The following PRKG1 variants were observed in gnomAD, a reference collection of about 807,000 sequenced individuals.
The protein encoded by PRKG1 is protein kinase cGMP-dependent 1.
PRKG1 carries 35 observed loss-of-function variants against 88.1 expected under a neutral mutation model. The observed-to-expected ratio is 0.40, with a 90% CI of 0.30 to 0.53. The LOEUF is 0.53. Among genes scored for constraint, PRKG1 ranks in the 20% least tolerant of loss-of-function variants. PRKG1 has a pLI of 0.59. For synonymous variants in PRKG1, 303 were observed against 292.5 expected (o/e 1.04, Z -0.37); for missense variants, 540 against 839.8 (o/e 0.64, Z 4.41).
At chr10:52,134,053 C>T (rs747717635) in intron 8 of PRKG1, 148 bp downstream of exon 8, 2 of 691,960 alleles carry the variant, frequency 2.9e-6, no homozygotes, top group Non-Finnish European at 4.6e-6. Flanking sequence ...TTCTCATTCC[C>T]TATTCTTAAA....
chr10:51,101,962 A>G (rs1260228418), intron 1 of PRKG1, among the ~76,000 whole-genome samples: 1 of 152,236 alleles, frequency 6.6e-6, no homozygotes, highest in Non-Finnish European at 1.5e-5. Context: ...GCATCTGCCC[A>G]GTGGCGTGCT....
chr10:51,944,158 C>A (rs887252582), intron 5 of PRKG1, among the ~76,000 whole-genome samples: 6 of 152,008 alleles, frequency 3.9e-5, no homozygotes, highest in African/African-American at 1.5e-4. Context: ...TTCAGAGAGT[C>A]AACTTCTTCC....
chr10:52,149,999 T>G (rs1368071423), intron 8 of PRKG1, among the ~76,000 whole-genome samples: 1 of 151,588 alleles, frequency 6.6e-6, no homozygotes, highest in Non-Finnish European at 1.5e-5. Flanking sequence ...AATACAAAAC[T>G]TAGCTGGGCA....
intron 2 of PRKG1, among the ~76,000 whole-genome samples, chr10:51,383,208 A>G (rs1053505016): frequency 6.6e-6 from 1 of 152,198 alleles, no homozygotes; most frequent in East Asian, 1.9e-4. Context: ...TAGACAATAG[A>G]CAACCAAATA....
At chr10:51,072,502 T>C (rs577633987), upstream of PRKG1, among the ~76,000 whole-genome samples, 7 of 152,268 alleles carry the variant, frequency 4.6e-5, no homozygotes, top group Admixed American at 1.3e-4. Context: ...ACAGTACTTC[T>C]GCTTGGTTTA....
intron 3 of PRKG1, among the ~76,000 whole-genome samples, chr10:51,732,354 G>A (rs955171927): frequency 2.6e-5 from 4 of 152,238 alleles, no homozygotes; most frequent in Non-Finnish European, 5.9e-5. Context: ...GTATGGGGGC[G>A]AACACAATTT....
At chr10:51,697,900 C>T (rs1841341584) in intron 3 of PRKG1, 2 of 1,608,384 alleles carry the variant, frequency 1.2e-6, no homozygotes, top group Non-Finnish European at 8.5e-7. Flanking sequence ...GCTTGCTTGC[C>T]CCCTGTATAC....
rs181820099 is a variant in PRKG1 at position 51,625,719 on chromosome 10, G to C, written c.592+157883G>C. Among the ~76,000 whole-genome samples the C allele has an allele frequency of 2.1e-3, 312 of 145,136 alleles. 2 individuals are homozygous for C. Among genetic ancestry groups the C allele is most frequent in the African/African-American group, 7.2e-3 (277 of 38,444 alleles). On this transcript the variant is annotated intron_variant, in intron 3 of 17. Transcript: ENST00000373980. ...AATTATGCTTCAATAAAACTGTTAAGATTTAAAAAAAAAAAAAGAATATAT... is the reference window on the plus strand; with the variant it reads ...AATTATGCTTCAATAAAACTGTTAACATTTAAAAAAAAAAAAAGAATATAT...
intron 11 of PRKG1, among the ~76,000 whole-genome samples, chr10:52,271,863 A>G (rs902459510): frequency 6.6e-6 from 1 of 152,116 alleles, no homozygotes; most frequent in East Asian, 1.9e-4. Context: ...TAAAAAAATG[A>G]AATGACAGCT....
intron 3 of PRKG1, among the ~76,000 whole-genome samples, chr10:51,507,589 C>G (rs1319428075): frequency 6.6e-6 from 1 of 152,056 alleles, no homozygotes; most frequent in Admixed American, 6.6e-5. Context: ...AAGTACCACT[C>G]CCTAGGACAC....
intron 8 of PRKG1, among the ~76,000 whole-genome samples, chr10:52,152,243 A>C (rs1463246993): frequency 6.6e-6 from 1 of 152,186 alleles, no homozygotes; most frequent in Non-Finnish European, 1.5e-5. Flanking sequence ...CCAGCTATTT[A>C]TTAATTCATT....
At chr10:51,532,163 T>G (rs1239687347) in intron 3 of PRKG1, among the ~76,000 whole-genome samples, 2 of 152,172 alleles carry the variant, frequency 1.3e-5, no homozygotes, top group Non-Finnish European at 2.9e-5. Flanking sequence ...GGAGAGCTTT[T>G]TCAACTGGTT....
chr10:52,024,626 A>G (rs1274357288), intron 5 of PRKG1, among the ~76,000 whole-genome samples: 1 of 152,130 alleles, frequency 6.6e-6, no homozygotes, highest in Non-Finnish European at 1.5e-5. Context: ...GATGGTTTCC[A>G]GCTTCATCCA....
At chr10:51,060,668 C>T (rs1843682063) in intron 1 of PRKG1, among the ~76,000 whole-genome samples, 1 of 151,842 alleles carries the variant, frequency 6.6e-6, no homozygotes, top group Non-Finnish European at 1.5e-5. Flanking sequence ...TATACATTTA[C>T]CCTCATATTT....
intron 2 of PRKG1, among the ~76,000 whole-genome samples, chr10:51,191,050 A>C (rs1322216102): frequency 6.6e-6 from 1 of 151,870 alleles, no homozygotes; most frequent in African/African-American, 2.4e-5. Flanking sequence ...GGGGCTGGAA[A>C]ATAGTAGGCT....
At chr10:52,264,145 TA>T (rs1292284205) in intron 10 of PRKG1, among the ~76,000 whole-genome samples, 2 of 150,392 alleles carry the variant, frequency 1.3e-5, no homozygotes, top group Admixed American at 1.3e-4. Flanking sequence ...ACGTAGAATC[TA>T]AGGCCAGTGT....
At chr10:52,169,748 G>T (rs1364117391) in intron 9 of PRKG1, among the ~76,000 whole-genome samples, 1 of 152,156 alleles carries the variant, frequency 6.6e-6, no homozygotes, top group Non-Finnish European at 1.5e-5. Flanking sequence ...TCAGAAACAG[G>T]ATTCAATGAG....
chr10:52,106,470 A>G lies in PRKG1; in HGVS notation c.936-27370A>G, dbSNP rs542109812. ...TTGGTGAGAACAGTAACTTATGTAT[A>G]TTAAATCCTTCGGGAACAGCATCGC... On this transcript the variant is annotated intron_variant, in intron 7 of 17. Transcript: ENST00000373980. 1.2e-3 allele frequency among the ~76,000 whole-genome samples: 186 copies of G among 152,216 alleles called. 1 individual carries two copies. Among genetic ancestry groups the G allele is most frequent in the African/African-American group, 4.3e-3 (177 of 41,532 alleles).
chr10:51,499,207 G>A (rs189288406), intron 3 of PRKG1, among the ~76,000 whole-genome samples: 40 of 152,300 alleles, frequency 2.6e-4, no homozygotes, highest in African/African-American at 9.4e-4. Context: ...GAAGGGGTCA[G>A]TGCTGTGGTC....
Sources: gnomAD v4.1 joint callset for allele counts (sites outside exome capture counted in the v4.1 genomes callset) on GRCh38, gnomAD v4.1.1 for gene constraint, MANE v1.5 for transcripts, NCBI Gene and HGNC (gene_info 2026-07-23, HGNC 2026-07-21) for gene names.